Variants in CEP290 observed in about 807,000 individuals in gnomAD.
The protein encoded by CEP290 is centrosomal protein of 290 kDa.
Under a neutral mutation model 344.9 loss-of-function variants are expected in CEP290, and 317 were observed. That is an observed-to-expected ratio of 0.92 (90% CI 0.84 to 1.01). CEP290 has a LOEUF of 1.01. CEP290 is among the 50% of genes least tolerant of loss of function. The pLI, the probability that CEP290 is intolerant of heterozygous loss-of-function variation, is 0.00. For missense variants in CEP290, 2,754 were observed against 2,761.4 expected, an observed-to-expected ratio of 1.00 and a Z score of 0.06; for synonymous variants, 932 against 895.8, an observed-to-expected ratio of 1.04 and a Z score of -0.72.
At position 88,079,203 on chromosome 12, in the gene CEP290, G is replaced by GACTA; in HGVS notation, c.5252_5253insTAGT (p.Arg1752SerfsTer10). On this transcript the variant is annotated frameshift_variant, in exon 39 of 54. Transcript: ENST00000552810. LOFTEE classifies it high-confidence loss of function. Reference sequence around the variant, plus strand: ...CAGCAGCTGCTGTCATTTCTGCCCGGAGTTCTAAAAGTGCCCGACTAAGTG... The same window carrying GACTA: ...CAGCAGCTGCTGTCATTTCTGCCCGGACTAAGTTCTAAAAGTGCCCGACTAAGTG... 1 of 1,595,338 alleles carries GACTA rather than the reference G, an allele frequency of 6.3e-7. No homozygotes were observed. The highest frequency in any genetic ancestry group is 8.5e-7 in the Non-Finnish European group (1 of 1,173,462).
At chr12:88,087,163 T>C (rs1467730926) in intron 32 of CEP290, among the ~76,000 whole-genome samples, 1 of 152,166 alleles carries the variant, frequency 6.6e-6, no homozygotes, top group African/African-American at 2.4e-5. Context: ...TACTTTATTC[T>C]ATAAGAAGCT....
chr12:88,094,090 TCTGAATTCCATCAGAC>T, intron 27 of CEP290, 115 bp from the exon 28 acceptor site: 1 of 786,740 alleles, frequency 1.3e-6, no homozygotes, highest in Non-Finnish European at 1.9e-6. Context: ...ACATTAGCTT[TCTGAATTCCATCAGAC>T]CTGGACTCTA....
Position 88,118,734 on chromosome 12 carries a change from G to C in CEP290, c.1532C>G (p.Pro511Arg). 2 of 1,607,176 alleles carry C rather than the reference G, an allele frequency of 1.2e-6. No homozygotes were observed. The highest frequency in any genetic ancestry group is 1.7e-5 in the Admixed American group (1 of 59,242). The part of the protein sequence containing the change: ...EALRERVGLE[P>R]KTMIDLTEFR... Reference sequence around the variant, plus strand: ...TTCAGTTAAATCAATCATTGTCTTTGGTTCAAGGCCTACAATAGAAAGCAA... The same window carrying C: ...TTCAGTTAAATCAATCATTGTCTTTCGTTCAAGGCCTACAATAGAAAGCAA... The change falls in exon 16 of 54, where the codon CCA (proline) becomes CGA (arginine). Residue 511 changes from proline to arginine, a missense_variant. By Grantham distance (103) the Pro-to-Arg change is moderately radical. Coordinates refer to ENST00000552810, the MANE Select transcript of CEP290 (RefSeq NM_025114.4).
rs2035881114 is a variant in CEP290, at chr12:88,077,697, C to G, written c.5586G>C (p.Gln1862His). Reference protein sequence around the residue: ...RQIKRLTSGLQGKPLTDNKQS... With the variant: ...RQIKRLTSGLHGKPLTDNKQS... ...TTATCAGAGTTAAATATAAAATTAC[C>G]TGTAATCCACTGGTTAGTCTTTTAA... The change falls in exon 40 of 54, where the codon CAG (glutamine) becomes CAC (histidine). Residue 1862 changes from glutamine to histidine, a missense_variant and splice_region_variant. Gln to His is a conservative substitution (Grantham distance 24, BLOSUM62 0). Coordinates refer to ENST00000552810, the MANE Select transcript of CEP290 (RefSeq NM_025114.4). The G allele has an allele frequency of 6.7e-7, 1 of 1,493,244 alleles. No individual in the cohort carries two copies. Among genetic ancestry groups the G allele is most frequent in the Non-Finnish European group, 9.1e-7 (1 of 1,100,676 alleles). 92.5% of individuals were successfully genotyped at this position (1,493,244 alleles called of 1,614,324 possible). A position where few individuals can be genotyped will look rare whatever the true frequency, so the allele number is the denominator to read the frequency against.
In CEP290 at chr12:88,138,823, T is replaced by A. The variant is rs2040479761; in HGVS notation, c.297+322A>T. On this transcript the variant is annotated intron_variant, in intron 5 of 53. Transcript: ENST00000552810. ...TTTTAGCCTTCAGCTTTGTCAAAAA[T>A]TACTTCTATAACACCCTTTCGTCAC... Among the ~76,000 whole-genome samples, 3 of 152,172 alleles carry A rather than the reference T, an allele frequency of 2.0e-5. No homozygotes were observed. The South Asian group carries it at 6.2e-4, about 32-fold the overall frequency.
At chr12:88,079,329 T>C in intron 38 of CEP290, 100 bp from the exon 39 acceptor site, 3 of 908,226 alleles carry the variant, frequency 3.3e-6, no homozygotes, top group South Asian at 3.9e-5. Flanking sequence ...TACTTCCTAC[T>C]ATTTTTCTAA....
chr12:88,080,350 T>C lies in CEP290; in HGVS notation c.5058A>G (p.Glu1686=). 6.2e-7 allele frequency: 1 copy of C among 1,613,620 alleles called. No individual in the cohort carries two copies. Among genetic ancestry groups the C allele is most frequent in the Non-Finnish European group, 8.5e-7 (1 of 1,179,726 alleles). ...HEDEVKKVKA[E]VEDLKYLLDQ... Reference sequence around the variant, plus strand: ...CCAGAAGATACTTTAAATCCTCTACTTCCGCTTTTACTTTTTTCACTTCAT... The same window carrying C: ...CCAGAAGATACTTTAAATCCTCTACCTCCGCTTTTACTTTTTTCACTTCAT... The change falls in exon 38 of 54, where the codon GAA becomes GAG. Residue 1686 remains glutamate, a synonymous_variant. Coordinates refer to ENST00000552810, the MANE Select transcript of CEP290 (RefSeq NM_025114.4).
intron 41 of CEP290, among the ~76,000 whole-genome samples, chr12:88,072,752 A>G (rs547347144): frequency 6.6e-6 from 1 of 152,168 alleles, no homozygotes; most frequent in African/African-American, 2.4e-5. Flanking sequence ...ACTACTCTAG[A>G]GGCAATAGGA....
At position 88,086,429 on chromosome 12, in the gene CEP290, CA is replaced by C. The variant is rs2137219551; in HGVS notation, c.4263del (p.Phe1421LeufsTer9). ...TTTAGTATTTCATTTTGCTGACGGTCAAAAATGTCTAGTTGGCGTTCCAGGT... is the reference window on the plus strand; with the variant it reads ...TTTAGTATTTCATTTTGCTGACGGTCAAAATGTCTAGTTGGCGTTCCAGGT... ...EVDLERQLDI[F>X]DRQQNEILNA... is the part of the protein sequence containing the mutation. On this transcript the variant is annotated frameshift_variant, in exon 33 of 54. Coordinates refer to ENST00000552810, the MANE Select transcript of CEP290 (RefSeq NM_025114.4). LOFTEE classifies it high-confidence loss of function. The C allele has an allele frequency of 1.3e-6, 2 of 1,598,796 alleles. No homozygotes were observed. Among genetic ancestry groups the C allele is most frequent in the Admixed American group, 1.7e-5 (1 of 58,282 alleles).
intron 1 of CEP290, among the ~76,000 whole-genome samples, 197 bp from the exon 2 acceptor site, chr12:88,141,531 C>A (rs2040667265): frequency 6.6e-6 from 1 of 152,102 alleles, no homozygotes; most frequent in East Asian, 1.9e-4. Flanking sequence ...CAGAGTGTCC[C>A]GGCTAAATAA....
At chr12:88,100,889 T>C (rs2037818398) in intron 26 of CEP290, among the ~76,000 whole-genome samples, 1 of 152,072 alleles carries the variant, frequency 6.6e-6, no homozygotes, top group Admixed American at 6.6e-5. Flanking sequence ...CAAAAGAACA[T>C]ACATAAGAAA....
At position 88,106,674 on chromosome 12, in the gene CEP290, C is replaced by T; in HGVS notation, c.2817+1G>A. 1 of 1,600,578 alleles carries T rather than the reference C, an allele frequency of 6.2e-7. No homozygotes were observed. ...AAAAGCAAAATAAGAATCAGATGTA[C>T]CTTAAATCTTTGCAAACACCCAATT... On this transcript the variant is annotated splice_donor_variant, in intron 25 of 53. Coordinates refer to ENST00000552810, the MANE Select transcript of CEP290 (RefSeq NM_025114.4). LOFTEE classifies it high-confidence loss of function.
Position 88,063,962 on chromosome 12 carries a change from TA to T in CEP290, c.6270+18del, listed in dbSNP as rs371141771. ...GAGTTTTAGGCATTAGATTTCCTAATAAAAAACATTAAATTCACCTTTAATC... is the reference window on the plus strand; with the variant it reads ...GAGTTTTAGGCATTAGATTTCCTAATAAAAACATTAAATTCACCTTTAATC... On this transcript the variant is annotated intron_variant, in intron 45 of 53. Coordinates refer to ENST00000552810, the MANE Select transcript of CEP290 (RefSeq NM_025114.4). 1.0e-5 allele frequency: 16 copies of T among 1,574,034 alleles called. No homozygotes were observed. Among genetic ancestry groups the T allele is most frequent in the African/African-American group, 8.2e-5 (6 of 73,318 alleles).
chr12:88,127,516 CAAGAT>C (rs1335593381), intron 11 of CEP290, among the ~76,000 whole-genome samples: 2 of 151,844 alleles, frequency 1.3e-5, no homozygotes, highest in African/African-American at 4.8e-5. Context: ...AAAAACAAAA[CAAGAT>C]ATTAGGAGAA....
rs1592551783 is a variant in CEP290, at chr12:88,097,098, T to C, written c.2992-99A>G. ...ACTTTATATAACATCTCCTTAAAACTCACAATCCAGTTTTTTACAAAATTA... is the reference window on the plus strand; with the variant it reads ...ACTTTATATAACATCTCCTTAAAACCCACAATCCAGTTTTTTACAAAATTA... On this transcript the variant is annotated intron_variant, in intron 26 of 53. Transcript: ENST00000552810. 16 of 659,592 alleles carry C rather than the reference T, an allele frequency of 2.4e-5. No homozygotes were observed. In the East Asian group the frequency reaches 4.4e-4, roughly 18 times the overall value. The allele number at this position is 659,592 out of a possible 1,614,324, so 40.9% of individuals were successfully genotyped here.
chr12:88,129,896 T>A lies in CEP290; in HGVS notation c.670-20A>T, dbSNP rs1225340826. On this transcript the variant is annotated intron_variant, in intron 9 of 53. Transcript: ENST00000552810. Reference sequence around the variant, plus strand: ...TAAAGTCTAAAAAAGTTAAAGACACTATAATTAAAAAGTAATTTTAAAAAA... The same window carrying A: ...TAAAGTCTAAAAAAGTTAAAGACACAATAATTAAAAAGTAATTTTAAAAAA... 8.2e-6 allele frequency: 11 copies of A among 1,342,876 alleles called. No individual in the cohort carries two copies. The highest frequency in any genetic ancestry group is 8.9e-6 in the Non-Finnish European group (9 of 1,013,428). The allele number at this position is 1,342,876 out of a possible 1,614,324, so 83.2% of individuals were successfully genotyped here.
In CEP290 at chr12:88,058,879, T is replaced by C. The variant is rs77778467; in HGVS notation, c.6787A>G (p.Ser2263Gly). 365 of 1,613,976 alleles carry C rather than the reference T, an allele frequency of 2.3e-4. 1 individual carries two copies. The East Asian group carries it at 6.6e-3, about 29-fold the overall frequency. Residue 2263 changes from serine (S) to glycine (G), a missense_variant, in exon 49 of 54, where the codon AGT becomes GGT. Coordinates refer to ENST00000552810, the MANE Select transcript of CEP290 (RefSeq NM_025114.4). ...SRGPQLEGAD[S>G]KSWKSIVVTR... ...ACCACAATGGATTTCCAGCTCTTACTGTCAGCACCTTCAAGCTGTGGACCT... is the reference window on the plus strand; with the variant it reads ...ACCACAATGGATTTCCAGCTCTTACCGTCAGCACCTTCAAGCTGTGGACCT...
At chr12:88,128,756 T>A (rs1328918403) in intron 11 of CEP290, among the ~76,000 whole-genome samples, 190 bp downstream of exon 11, 1 of 152,084 alleles carries the variant, frequency 6.6e-6, no homozygotes, top group African/African-American at 2.4e-5. Flanking sequence ...GGTCATTCAA[T>A]AACAAATTAG....
intron 10 of CEP290, among the ~76,000 whole-genome samples, chr12:88,129,398 A>G (rs1425963406): frequency 6.6e-6 from 1 of 151,862 alleles, no homozygotes; most frequent in Non-Finnish European, 1.5e-5. Flanking sequence ...TTTAAGATAA[A>G]ATGAAATGTT....
Sources: allele counts gnomAD v4.1 joint callset (sites outside exome capture counted in the v4.1 genomes callset), GRCh38; gene constraint gnomAD v4.1.1; transcripts MANE v1.5; gene names NCBI Gene and HGNC (gene_info 2026-07-23, HGNC 2026-07-21).